The following WDR4 variants were observed in gnomAD, a reference collection of about 807,000 sequenced individuals.
WDR4 encodes WDR4 tRNA N7-guanosine methyltransferase non-catalytic subunit.
Under a neutral mutation model 48.6 loss-of-function variants are expected in WDR4, and 47 were observed. The observed-to-expected ratio is 0.97, with a 90% CI of 0.77 to 1.23. The LOEUF (loss-of-function observed/expected upper bound fraction) is 1.23, where lower values mean the gene tolerates loss of function less well. WDR4 is among the 50% of genes most tolerant of loss of function. WDR4 has a pLI of 0.00. For missense variants in WDR4, 606 were observed against 551.6 expected (o/e 1.10, Z -0.99); for synonymous variants, 268 against 230.0 (o/e 1.17, Z -1.49).
intron 9 of WDR4, 83 bp downstream of exon 9, chr21:42,853,486 C>A: frequency 6.9e-7 from 1 of 1,458,102 alleles, no homozygotes; most frequent in Non-Finnish European, 9.2e-7. Context: ...TACCCATGGA[C>A]CCAAAAAACA....
At chr21:42,845,448 C>T (rs1465043219), downstream of WDR4, among the ~76,000 whole-genome samples, 1 of 152,230 alleles carries the variant, frequency 6.6e-6, no homozygotes, top group Non-Finnish European at 1.5e-5. Context: ...CAGGAGGCCT[C>T]AGTTCTCTGC....
upstream of WDR4, chr21:42,879,624 C>T (rs1047754174): frequency 1.0e-5 from 12 of 1,179,096 alleles, no homozygotes; most frequent in Non-Finnish European, 1.3e-5. Context: ...TGCTCAAGGA[C>T]GAGCCTGCCT....
At chr21:42,868,959 G>T (rs903071909) in intron 3 of WDR4, among the ~76,000 whole-genome samples, 1 of 152,240 alleles carries the variant, frequency 6.6e-6, no homozygotes, top group African/African-American at 2.4e-5. Context: ...TGCAAACAAT[G>T]TAACAACTCA....
chr21:42,862,851 C>T lies in WDR4; in HGVS notation c.454-457G>A, dbSNP rs543974466. ...ACCCCACACTCGCCATTGTTCCTGA[C>T]TGTCCCTGTGTGCGTCCAATCCCAG... On this transcript the variant is annotated intron_variant, in intron 4 of 10. Transcript: ENST00000398208. The surrounding 1 kb of genome is among the most constrained non-coding windows in gnomAD (Gnocchi z 4.3). 4.6e-5 allele frequency among the ~76,000 whole-genome samples: 7 copies of T among 152,342 alleles called. No homozygotes were observed. In the East Asian group the frequency reaches 1.4e-3, roughly 29 times the overall value.
chr21:42,861,413 T>C (rs947864761), intron 5 of WDR4, among the ~76,000 whole-genome samples: 1 of 151,524 alleles, frequency 6.6e-6, no homozygotes, highest in Non-Finnish European at 1.5e-5. Context: ...TTTTACTCAA[T>C]ACTTCTAAGT....
At chr21:42,859,616 C>CA in intron 6 of WDR4, 46 bp downstream of exon 6, 1 of 1,256,686 alleles carries the variant, frequency 8.0e-7, no homozygotes, top group Non-Finnish European at 1.1e-6. Flanking sequence ...ACCCTCCCTG[C>CA]AGGCTCAAGA....
downstream of WDR4, among the ~76,000 whole-genome samples, chr21:42,848,698 G>C (rs375179410): frequency 1.2e-5 from 1 of 83,122 alleles, no homozygotes; most frequent in African/African-American, 5.0e-5. Flanking sequence ...ACGATCACGC[G>C]GCGCACACCT....
chr21:42,854,804 C>T (rs1184160558), intron 7 of WDR4, among the ~76,000 whole-genome samples, 178 bp from the exon 8 acceptor site: 3 of 152,090 alleles, frequency 2.0e-5, no homozygotes, highest in Non-Finnish European at 4.4e-5. Flanking sequence ...TTCCCTGTTT[C>T]CCAAGCAGAT....
intron 3 of WDR4, among the ~76,000 whole-genome samples, chr21:42,866,792 G>A (rs780427141): frequency 5.9e-5 from 9 of 151,864 alleles, no homozygotes; most frequent in Admixed American, 2.0e-4. Context: ...CACTCCACCC[G>A]ATGCTGAAAA....
chr21:42,878,983 C>T lies in WDR4; in HGVS notation c.89+424G>A. ...TGAGCTCGCAGTGAGTAAGCCCCTC[C>T]CTTCTCACCAGGGAGACCCGAGACC... On this transcript the variant is annotated intron_variant, in intron 1 of 10. Transcript: ENST00000398208. The T allele has an allele frequency of 7.0e-6, 7 of 1,002,052 alleles. No individual in the cohort carries two copies. In the South Asian group the frequency reaches 3.1e-4, roughly 45 times the overall value. 62.1% of individuals were successfully genotyped at this position (1,002,052 alleles called of 1,614,324 possible).
At chr21:42,883,013 C>T (rs538709282), upstream of WDR4, among the ~76,000 whole-genome samples, 1 of 150,328 alleles carries the variant, frequency 6.7e-6, no homozygotes, top group Non-Finnish European at 1.5e-5. Context: ...GCAGGACAAC[C>T]GCTTGAACGT....
chr21:42,857,910 G>A (rs2146026379), intron 6 of WDR4, among the ~76,000 whole-genome samples: 1 of 152,238 alleles, frequency 6.6e-6, no homozygotes, highest in East Asian at 1.9e-4. Context: ...GGCCAAGCTG[G>A]CAAAACCCCA....
intron 7 of WDR4, 44 bp downstream of exon 7, chr21:42,855,638 G>A (rs1352804456): frequency 6.9e-7 from 1 of 1,444,268 alleles, no homozygotes. Flanking sequence ...GACTGCCGGT[G>A]TCTACAAGCA....
intron 5 of WDR4, among the ~76,000 whole-genome samples, chr21:42,861,722 C>T (rs2058120991): frequency 6.6e-6 from 1 of 152,222 alleles, no homozygotes; most frequent in African/African-American, 2.4e-5. Context: ...CAATTTCTTC[C>T]ACTGCCTCAA....
At chr21:42,892,656 C>G in the WDR4 span, among the ~76,000 whole-genome samples, 1 of 152,230 alleles carries the variant, frequency 6.6e-6, no homozygotes, top group African/African-American at 2.4e-5. Flanking sequence ...TAACTAATTA[C>G]ACCGACTCCA....
chr21:42,863,406 G>A (rs745408530), intron 4 of WDR4, 34 bp downstream of exon 4: 1 of 1,589,024 alleles, frequency 6.3e-7, no homozygotes, highest in East Asian at 2.3e-5. Context: ...TCCCACACCT[G>A]CCATGTCCCC....
chr21:42,850,215 C>G lies in WDR4; in HGVS notation c.1073G>C (p.Ser358Thr). The G allele has an allele frequency of 6.2e-7, 1 of 1,603,474 alleles. No homozygotes were observed. The highest frequency in any genetic ancestry group is 8.5e-7 in the Non-Finnish European group (1 of 1,174,356). ...GTCGAACGTGGCCTTGTAGAGACTGCTGAAGCTGGCGTCTGCGCCGGCAGA... is the reference window on the plus strand; with the variant it reads ...GTCGAACGTGGCCTTGTAGAGACTGGTGAAGCTGGCGTCTGCGCCGGCAGA... ...EGSAGADASFSSLYKATFDNV... is the reference protein window; with the variant it reads ...EGSAGADASFTSLYKATFDNV... The change falls in exon 11 of 11, where the codon AGC becomes ACC. Residue 358 changes from serine (S) to threonine (T), a missense_variant. Physicochemically the swap from Ser to Thr is moderately conservative, Grantham distance 58 (BLOSUM62 1). Coordinates refer to ENST00000398208, the MANE Select transcript of WDR4 (RefSeq NM_018669.6).
At chr21:42,883,377 TA>T (rs1284328181), upstream of WDR4, among the ~76,000 whole-genome samples, 38 of 145,492 alleles carry the variant, frequency 2.6e-4, no homozygotes, top group African/African-American at 6.1e-4. Context: ...GTCCTTCAGT[TA>T]AAAAAAAAAT....
intron 6 of WDR4, among the ~76,000 whole-genome samples, chr21:42,859,140 G>A (rs1262668165): frequency 3.3e-5 from 5 of 152,098 alleles, no homozygotes; most frequent in African/African-American, 7.2e-5. Flanking sequence ...TAACCCGGGT[G>A]CGGGCGCTCG....
Sources: gnomAD v4.1 joint callset for allele counts (sites outside exome capture counted in the v4.1 genomes callset) on GRCh38, gnomAD v4.1.1 for gene constraint, Gnocchi (gnomAD v3.1) non-coding constraint, MANE v1.5 for transcripts, NCBI Gene and HGNC (gene_info 2026-07-23, HGNC 2026-07-21) for gene names.